PDE4D: variants seen among roughly 807,000 people sequenced by gnomAD.
The protein encoded by PDE4D is 3',5'-cyclic-AMP phosphodiesterase 4D.
In PDE4D, 24 loss-of-function variants were observed where a neutral mutation model predicts 87.4. The observed-to-expected ratio is 0.27, with a 90% confidence interval of 0.20 to 0.39. The LOEUF (loss-of-function observed/expected upper bound fraction) is 0.39, where lower values mean the gene tolerates loss of function less well. Ranked by LOEUF, PDE4D falls within the 10% of genes least tolerant of loss-of-function variation. The pLI is 1.00. For synonymous variants in PDE4D, 384 were observed against 383.2 expected (o/e 1.00, Z -0.02); for missense variants, 714 against 1,041.0 (o/e 0.69, Z 4.32).
intron 1 of PDE4D, among the ~76,000 whole-genome samples, chr5:59,696,889 TGGAAAGAGATACACATA>T (rs1751862350): frequency 6.6e-6 from 1 of 152,122 alleles, no homozygotes; most frequent in African/African-American, 2.4e-5. Flanking sequence ...GAAGGACTAA[TGGAAAGAGATACACATA>T]TGAGAAGTAA....
intron 5 of PDE4D, among the ~76,000 whole-genome samples, chr5:59,092,696 A>G (rs1768957982): frequency 6.6e-6 from 1 of 152,190 alleles, no homozygotes; most frequent in African/African-American, 2.4e-5. Context: ...TAAACAAGTC[A>G]TATTACTTCT....
intron 2 of PDE4D, among the ~76,000 whole-genome samples, chr5:60,089,111 CT>C (rs1387485210): frequency 6.6e-6 from 1 of 152,020 alleles, no homozygotes; most frequent in Non-Finnish European, 1.5e-5. Flanking sequence ...TAACACTCCA[CT>C]TTTGGCAGCA....
At chr5:59,900,287 C>CACAT (rs142366012) in intron 3 of PDE4D, among the ~76,000 whole-genome samples, 2,012 of 145,160 alleles carry the variant, frequency 0.014, 15 homozygotes, top group Middle Eastern at 0.024. Flanking sequence ...CACACACACA[C>CACAT]ATATATATAT....
intron 1 of PDE4D, among the ~76,000 whole-genome samples, chr5:60,387,557 T>C (rs989377602): frequency 1.3e-5 from 2 of 152,222 alleles, no homozygotes; most frequent in Non-Finnish European, 2.9e-5. Flanking sequence ...GAGATGCCTG[T>C]ACTGACCCCC....
At chr5:59,608,334 G>T (rs1364145003) in intron 1 of PDE4D, among the ~76,000 whole-genome samples, 4 of 152,174 alleles carry the variant, frequency 2.6e-5, no homozygotes, top group Non-Finnish European at 5.9e-5. Context: ...TTCTAGAGAA[G>T]AGGATAAGCA....
Position 59,092,436 on chromosome 5 carries a change from T to C in PDE4D, c.809-53465A>G, listed in dbSNP as rs550082183. On this transcript the variant is annotated intron_variant, in intron 5 of 14. Transcript: ENST00000340635. ...GACAGCATCTATTAATCTGAAGAAG[T>C]TTCTCTTACTAATTTGCAAACCTAA... 6.6e-5 allele frequency among the ~76,000 whole-genome samples: 10 copies of C among 152,306 alleles called. No homozygotes were observed. In the South Asian group the frequency reaches 2.1e-3, roughly 32 times the overall value.
At chr5:59,664,561 C>A (rs773462321) in intron 1 of PDE4D, among the ~76,000 whole-genome samples, 6 of 152,060 alleles carry the variant, frequency 3.9e-5, no homozygotes, top group Admixed American at 3.3e-4. Flanking sequence ...AGGCAAATCC[C>A]AGACTCATTC....
At chr5:58,987,421 T>C (rs954050573) in intron 11 of PDE4D, among the ~76,000 whole-genome samples, 1 of 152,182 alleles carries the variant, frequency 6.6e-6, no homozygotes, top group African/African-American at 2.4e-5. Context: ...CATTAGAGTA[T>C]ATTTTGCTAT....
At chr5:59,942,962 G>A (rs1034103041) in intron 3 of PDE4D, among the ~76,000 whole-genome samples, 3 of 151,844 alleles carry the variant, frequency 2.0e-5, no homozygotes, top group African/African-American at 7.3e-5. Flanking sequence ...GGTAAAGAAT[G>A]CTGCTAAATA....
chr5:59,180,528 A>G (rs1741282242), intron 5 of PDE4D, 67 bp downstream of exon 5: 11 of 1,275,394 alleles, frequency 8.6e-6, no homozygotes, highest in Non-Finnish European at 1.1e-5. Flanking sequence ...TGTTGGTGTT[A>G]TATTGACTCT....
At chr5:58,983,901 T>C (rs962586363) in intron 11 of PDE4D, among the ~76,000 whole-genome samples, 1 of 152,226 alleles carries the variant, frequency 6.6e-6, no homozygotes, top group African/African-American at 2.4e-5. Flanking sequence ...CAAATCCAAC[T>C]AAGTCCACTA....
At chr5:59,798,491 G>T (rs1766761438) in intron 1 of PDE4D, among the ~76,000 whole-genome samples, 1 of 152,096 alleles carries the variant, frequency 6.6e-6, no homozygotes, top group Non-Finnish European at 1.5e-5. Context: ...TGGAGCAGGA[G>T]AGACGTAAAG....
chr5:59,741,934 T>C (rs1758898085), intron 1 of PDE4D, among the ~76,000 whole-genome samples: 1 of 152,206 alleles, frequency 6.6e-6, no homozygotes, highest in Non-Finnish European at 1.5e-5. Context: ...ATTAGGAGTC[T>C]GGCCCTACCT....
At chr5:59,492,579 C>T (rs1806415271) in intron 1 of PDE4D, among the ~76,000 whole-genome samples, 2 of 152,064 alleles carry the variant, frequency 1.3e-5, no homozygotes, top group African/African-American at 4.8e-5. Flanking sequence ...GTGAGAATAC[C>T]TGGTTTCTTT....
rs112482152 is a variant in PDE4D, at chr5:60,225,123, G to A, written c.-89-39436C>T. On this transcript the variant is annotated intron_variant, in intron 1 of 16. Coordinates refer to the PDE4D transcript ENST00000502484. Reference sequence around the variant, plus strand: ...TTATCGCTGCCTCCTCAGGGATCTCGGTTTTGCAGTGGGGTGCAGGGCAGA... The same window carrying A: ...TTATCGCTGCCTCCTCAGGGATCTCAGTTTTGCAGTGGGGTGCAGGGCAGA... Among the ~76,000 whole-genome samples, 229 of 152,000 alleles carry A rather than the reference G, an allele frequency of 1.5e-3. 2 individuals carry two copies. Among genetic ancestry groups the A allele is most frequent in the African/African-American group, 5.3e-3 (218 of 41,494 alleles).
At chr5:60,245,212 C>A (rs542357113) in intron 1 of PDE4D, among the ~76,000 whole-genome samples, 3 of 151,790 alleles carry the variant, frequency 2.0e-5, no homozygotes, top group Non-Finnish European at 4.4e-5. Flanking sequence ...TTGAGAAATG[C>A]ATATCAAAAC....
intron 1 of PDE4D, among the ~76,000 whole-genome samples, chr5:60,291,547 G>A (rs1056631363): frequency 6.6e-6 from 1 of 151,760 alleles, no homozygotes; most frequent in Non-Finnish European, 1.5e-5. Flanking sequence ...CGTTTTTAGA[G>A]AAGAGATGAT....
At position 59,488,166 on chromosome 5, in the gene PDE4D, CAAA is replaced by C. The variant is rs529078753; in HGVS notation, c.456-272201_456-272199del. Among the ~76,000 whole-genome samples the C allele has an allele frequency of 0.012, 1,235 of 107,342 alleles. 36 individuals are homozygous for C. In the East Asian group the frequency reaches 0.17, roughly 15 times the overall value. The allele number at this position is 107,342 out of a possible 152,430, so 70.4% of individuals were successfully genotyped here. A position where few individuals can be genotyped will look rare whatever the true frequency, so the allele number is the denominator to read the frequency against. ...TAAATCTTCTGACATCATCAAGAGCCAAAAAAAAAAAAAAAAAAAAAATGTGTA... is the reference window on the plus strand; with the variant it reads ...TAAATCTTCTGACATCATCAAGAGCCAAAAAAAAAAAAAAAAAAATGTGTA... On this transcript the variant is annotated intron_variant, in intron 1 of 14. Transcript: ENST00000340635.
intron 5 of PDE4D, among the ~76,000 whole-genome samples, chr5:59,153,267 A>C (rs1165164064): frequency 6.6e-6 from 1 of 152,160 alleles, no homozygotes; most frequent in Non-Finnish European, 1.5e-5. Flanking sequence ...GACCACTATA[A>C]GGCTTTTCTT....
Sources: allele counts gnomAD v4.1 joint callset (sites outside exome capture counted in the v4.1 genomes callset), GRCh38; gene constraint gnomAD v4.1.1; transcripts MANE v1.5; gene names NCBI Gene and HGNC (gene_info 2026-07-23, HGNC 2026-07-21).